Variants in ACAA2 observed in about 807,000 individuals in gnomAD.
ACAA2 encodes 3-ketoacyl-CoA thiolase, mitochondrial.
In ACAA2, 35 loss-of-function variants were observed where a neutral mutation model predicts 44.8. The ratio of observed to expected loss-of-function variants is 0.78; its 90% CI spans 0.60 to 1.04. The LOEUF (loss-of-function observed/expected upper bound fraction) is 1.04. Ranked by LOEUF, ACAA2 falls within the 50% of genes least tolerant of loss-of-function variation. The pLI, the probability that ACAA2 is intolerant of heterozygous loss-of-function variation, is 0.00. For synonymous variants in ACAA2, 142 were observed against 166.5 expected, an observed-to-expected ratio of 0.85 and a Z score of 1.13; for missense variants, 468 against 482.6, an observed-to-expected ratio of 0.97 and a Z score of 0.28.
chr18:49,789,290 T>G (rs985865503), intron 7 of ACAA2, among the ~76,000 whole-genome samples: 1 of 151,924 alleles, frequency 6.6e-6, no homozygotes, highest in African/African-American at 2.4e-5. Flanking sequence ...AACAAACCAG[T>G]TCCCACTAGA....
intron 7 of ACAA2, among the ~76,000 whole-genome samples, chr18:49,788,321 C>A (rs1198057569): frequency 6.6e-6 from 1 of 152,146 alleles, no homozygotes; most frequent in Admixed American, 6.5e-5. Flanking sequence ...TATTCTGCAT[C>A]AAGTTTCACA....
intron 7 of ACAA2, 82 bp downstream of exon 7, chr18:49,791,388 C>A (rs142461980): frequency 1.2e-5 from 18 of 1,454,182 alleles, no homozygotes; most frequent in Non-Finnish European, 6.6e-6. Flanking sequence ...CTTGGTTTGG[C>A]CACTTTTTCA....
intron 7 of ACAA2, among the ~76,000 whole-genome samples, chr18:49,790,773 GGACT>G (rs2023388846): frequency 6.6e-6 from 1 of 152,118 alleles, no homozygotes; most frequent in African/African-American, 2.4e-5. Flanking sequence ...ACATGTTTAT[GGACT>G]TCCAAATTTT....
At chr18:49,794,247 C>A in intron 5 of ACAA2, 33 bp downstream of exon 5, 1 of 1,527,350 alleles carries the variant, frequency 6.5e-7, no homozygotes, top group Non-Finnish European at 8.8e-7. Flanking sequence ...GATATTTATT[C>A]TATAGATACT....
At chr18:49,794,162 G>T in intron 5 of ACAA2, 118 bp downstream of exon 5, 4 of 758,658 alleles carry the variant, frequency 5.3e-6, no homozygotes, top group South Asian at 4.0e-5. Flanking sequence ...ATAATGAAAA[G>T]ATGTAATAAT....
Position 49,785,269 on chromosome 18 carries a change from C to T in ACAA2, c.1037G>A (p.Gly346Glu), listed in dbSNP as rs2023314822. Residue 346 changes from glycine to glutamate, a missense_variant, in exon 9 of 10, where the codon GGA (glycine) becomes GAA (glutamate). Coordinates refer to ENST00000285093, the MANE Select transcript of ACAA2 (RefSeq NM_006111.3). The part of the protein sequence containing the change: ...LDISKTNVNG[G>E]AIALGHPLGG... The stretch of plus-strand genomic sequence containing the variant: ...CAGTGGGTGACCCAAAGCAATGGCT[C>T]CTCCATTCACATTGGTTTTACTTAT... 1.2e-6 allele frequency: 2 copies of T among 1,614,080 alleles called. No homozygotes were observed. Among genetic ancestry groups the T allele is most frequent in the Non-Finnish European group, 1.7e-6 (2 of 1,179,940 alleles).
chr18:49,800,227 T>C (rs1439267997), intron 2 of ACAA2, among the ~76,000 whole-genome samples: 1 of 111,102 alleles, frequency 9.0e-6, no homozygotes, highest in South Asian at 3.2e-4. Context: ...GGTGGGGGGG[T>C]CAGCCCCCCG....
At chr18:49,783,969 A>G in intron 9 of ACAA2, 38 bp from the exon 10 acceptor site, 1 of 1,533,622 alleles carries the variant, frequency 6.5e-7, no homozygotes, top group Non-Finnish European at 9.0e-7. Flanking sequence ...TACTCTAATA[A>G]AAAATCAGAT....
chr18:49,788,685 T>C (rs774222986), intron 7 of ACAA2, among the ~76,000 whole-genome samples: 14 of 152,292 alleles, frequency 9.2e-5, no homozygotes, highest in Middle Eastern at 3.4e-3. Flanking sequence ...AGGTGGACAA[T>C]GTTCAGACCA....
At chr18:49,803,591 A>T (rs1424304432) in intron 1 of ACAA2, among the ~76,000 whole-genome samples, 2 of 152,170 alleles carry the variant, frequency 1.3e-5, no homozygotes, top group African/African-American at 4.8e-5. Context: ...GTCCTGCTAC[A>T]CTGTGATGTA....
chr18:49,801,806 A>C (rs901928295), intron 2 of ACAA2, among the ~76,000 whole-genome samples: 1 of 144,168 alleles, frequency 6.9e-6, no homozygotes, highest in African/African-American at 2.6e-5. Flanking sequence ...ATATATATAT[A>C]TATATATATC....
intron 1 of ACAA2, among the ~76,000 whole-genome samples, chr18:49,810,654 A>G (rs2023657946): frequency 6.6e-6 from 1 of 152,048 alleles, no homozygotes; most frequent in Admixed American, 6.6e-5. Context: ...GAACAGAGAA[A>G]ATGTTCTCAA....
intron 5 of ACAA2, among the ~76,000 whole-genome samples, chr18:49,793,704 A>G (rs1156537910): frequency 2.6e-5 from 4 of 152,250 alleles, no homozygotes; most frequent in Non-Finnish European, 5.9e-5. Context: ...CACTGCTAAA[A>G]GAACTGCTGT....
intron 5 of ACAA2, 62 bp from the exon 6 acceptor site, chr18:49,792,389 CAT>C: frequency 2.2e-6 from 3 of 1,364,948 alleles, no homozygotes; most frequent in Non-Finnish European, 3.0e-6. Flanking sequence ...ATAAATCAAA[CAT>C]ATTATTCAAT....
chr18:49,802,849 CACA>C lies in ACAA2; in HGVS notation c.18_20del (p.Val7del). The C allele has an allele frequency of 3.7e-6, 6 of 1,613,988 alleles. No homozygotes were observed. Among genetic ancestry groups the C allele is most frequent in the Non-Finnish European group, 5.1e-6 (6 of 1,179,926 alleles). ...GCGTTCGCTTAGCAGCAACTACAAA[CACA>C]CCTATTGCAACAAGAAGAGATTTGT... On this transcript the variant is annotated inframe_deletion and splice_region_variant, in exon 2 of 10. Transcript: ENST00000285093.
In ACAA2 at chr18:49,797,719, A is replaced by T. The variant is rs2023481476; in HGVS notation, c.184-125T>A. On this transcript the variant is annotated intron_variant, in intron 2 of 9. Transcript: ENST00000285093. ...ATAAACTATATGGCTCTAAGGTAGG[A>T]CAAAATGCATCTAAGTACAGCATAT... 4 of 671,864 alleles carry T rather than the reference A, an allele frequency of 6.0e-6. No individual in the cohort carries two copies. In the East Asian group the frequency reaches 1.2e-4, roughly 21 times the overall value. The allele number at this position is 671,864 out of a possible 1,614,324, so 41.6% of individuals were successfully genotyped here. A position where few individuals can be genotyped will look rare whatever the true frequency, so the allele number is the denominator to read the frequency against.
chr18:49,810,485 T>C (rs2023656451), intron 1 of ACAA2, among the ~76,000 whole-genome samples: 1 of 152,124 alleles, frequency 6.6e-6, no homozygotes, highest in African/African-American at 2.4e-5. Flanking sequence ...AGGGCAGTGC[T>C]AGTAGTGAAA....
rs2023696679 is a variant in ACAA2, at chr18:49,813,526, G to A, written c.-42C>T. Reference sequence around the variant, plus strand: ...TCGGCGGCGCGGGTCTGTGGTGTGGGGGACGCTGAGCGGCCGCTCGCAATC... The same window carrying A: ...TCGGCGGCGCGGGTCTGTGGTGTGGAGGACGCTGAGCGGCCGCTCGCAATC... On this transcript the variant is annotated 5_prime_UTR_variant, in exon 1 of 10. Transcript: ENST00000285093. The A allele has an allele frequency of 3.2e-6, 4 of 1,237,566 alleles. No homozygotes were observed. Among genetic ancestry groups the A allele is most frequent in the African/African-American group, 1.6e-5 (1 of 64,408 alleles). 76.7% of individuals were successfully genotyped at this position (1,237,566 alleles called of 1,614,324 possible). A position where few individuals can be genotyped will look rare whatever the true frequency, so the allele number is the denominator to read the frequency against.
Position 49,791,558 on chromosome 18 carries a change from T to G in ACAA2, c.795A>C (p.Glu265Asp). Residue 265 changes from glutamate (E) to aspartate (D), a missense_variant, in exon 7 of 10, where the codon GAA becomes GAC. Glu to Asp is a conservative substitution (Grantham distance 45, BLOSUM62 2). Coordinates refer to ENST00000285093, the MANE Select transcript of ACAA2 (RefSeq NM_006111.3). ...TGAAGTTATGTTTCTTAACAGCATCTTCACTAGCTATGATAACAGCTCCAG... is the reference window on the plus strand; with the variant it reads ...TGAAGTTATGTTTCTTAACAGCATCGTCACTAGCTATGATAACAGCTCCAG... Reference protein sequence around the residue: ...DGAGAVIIASEDAVKKHNFTP... With the variant: ...DGAGAVIIASDDAVKKHNFTP... 1.9e-6 allele frequency: 3 copies of G among 1,613,396 alleles called. No individual in the cohort carries two copies. The highest frequency in any genetic ancestry group is 2.5e-6 in the Non-Finnish European group (3 of 1,179,870).
Sources: allele counts gnomAD v4.1 joint callset (sites outside exome capture counted in the v4.1 genomes callset), GRCh38; gene constraint gnomAD v4.1.1; transcripts MANE v1.5; gene names NCBI Gene and HGNC (gene_info 2026-07-23, HGNC 2026-07-21).